EXT1: variants seen among roughly 807,000 people sequenced by gnomAD.
EXT1 encodes the protein exostosin-1.
A neutral mutation model predicts 82.5 loss-of-function variants in EXT1; 20 were observed. That is an observed-to-expected ratio of 0.24 (90% CI 0.17 to 0.35). The LOEUF (loss-of-function observed/expected upper bound fraction) is 0.35, where lower values mean the gene tolerates loss of function less well. EXT1 is among the 10% of genes least tolerant of loss of function. The probability of loss-of-function intolerance (pLI) is 1.00; values close to 1 mark genes in which losing one functional copy is unlikely to be tolerated. For missense variants in EXT1, 757 were observed against 936.5 expected, an observed-to-expected ratio of 0.81 and a Z score of 2.50; for synonymous variants, 348 against 350.8, an observed-to-expected ratio of 0.99 and a Z score of 0.09.
At chr8:118,086,906 C>G (rs1817430453) in intron 1 of EXT1, among the ~76,000 whole-genome samples, 1 of 152,124 alleles carries the variant, frequency 6.6e-6, no homozygotes, top group African/African-American at 2.4e-5. Flanking sequence ...CTTCCCTCCT[C>G]CAGTAAAACC....
chr8:117,895,125 C>T (rs1390643711), intron 1 of EXT1, among the ~76,000 whole-genome samples: 1 of 152,010 alleles, frequency 6.6e-6, no homozygotes, highest in Non-Finnish European at 1.5e-5. Context: ...TCAAAATGGT[C>T]GTGAACCAGG....
At chr8:117,867,638 A>G (rs1167941724) in intron 1 of EXT1, among the ~76,000 whole-genome samples, 3 of 152,184 alleles carry the variant, frequency 2.0e-5, no homozygotes, top group Admixed American at 1.3e-4. Context: ...CCTCCTACCA[A>G]TCTACAAAGA....
chr8:117,961,382 C>T (rs919155131), intron 1 of EXT1, among the ~76,000 whole-genome samples: 5 of 152,158 alleles, frequency 3.3e-5, no homozygotes, highest in African/African-American at 7.2e-5. Flanking sequence ...GGGATTCTGG[C>T]ATATGGGCCT....
intron 1 of EXT1, among the ~76,000 whole-genome samples, chr8:118,052,165 C>T (rs1231458869): frequency 3.9e-5 from 6 of 152,128 alleles, no homozygotes; most frequent in South Asian, 2.1e-4. Flanking sequence ...AAAACCACTT[C>T]CTAGAACTCA....
At chr8:117,980,011 T>G (rs565513721) in intron 1 of EXT1, among the ~76,000 whole-genome samples, 1 of 152,276 alleles carries the variant, frequency 6.6e-6, no homozygotes, top group Non-Finnish European at 1.5e-5. Context: ...AAAGCTATAA[T>G]GAAGAGATCT....
At chr8:117,866,941 C>T (rs1358608144) in intron 1 of EXT1, among the ~76,000 whole-genome samples, 1 of 152,150 alleles carries the variant, frequency 6.6e-6, no homozygotes, top group Non-Finnish European at 1.5e-5. Context: ...TTCCTTGCCT[C>T]TAAGCCACTC....
chr8:118,005,572 G>A (rs17505128), intron 1 of EXT1, among the ~76,000 whole-genome samples: 5 of 152,266 alleles, frequency 3.3e-5, no homozygotes, highest in African/African-American at 1.2e-4. Flanking sequence ...GGAGAAAACT[G>A]AGGCAACAAA....
chr8:117,884,739 A>T (rs954343511), intron 1 of EXT1, among the ~76,000 whole-genome samples: 3 of 152,002 alleles, frequency 2.0e-5, no homozygotes, highest in African/African-American at 4.8e-5. Context: ...CTGCTTTATT[A>T]AACAAGCACT....
intron 1 of EXT1, among the ~76,000 whole-genome samples, chr8:117,952,810 C>T (rs1230930041): frequency 1.3e-5 from 2 of 151,874 alleles, no homozygotes; most frequent in Middle Eastern, 3.2e-3. Flanking sequence ...ATATTCTTTT[C>T]CCCACTTTCA....
intron 5 of EXT1, 107 bp downstream of exon 5, chr8:117,822,358 T>A (rs959658205): frequency 8.0e-7 from 1 of 1,255,100 alleles, no homozygotes; most frequent in Admixed American, 1.7e-5. Flanking sequence ...CAATCTTCAA[T>A]GCAGGGTGTT....
At chr8:118,098,608 A>T (rs927052282) in intron 1 of EXT1, among the ~76,000 whole-genome samples, 1 of 151,998 alleles carries the variant, frequency 6.6e-6, no homozygotes, top group Admixed American at 6.5e-5. Flanking sequence ...ATACAAAAAA[A>T]ATTAGTCGGG....
intron 1 of EXT1, among the ~76,000 whole-genome samples, chr8:117,968,075 T>C (rs1377405871): frequency 2.0e-5 from 3 of 152,220 alleles, no homozygotes; most frequent in African/African-American, 4.8e-5. Flanking sequence ...CTTAACATCA[T>C]GTTGTATGCC....
At chr8:117,826,675 A>G (rs1177215832) in intron 4 of EXT1, among the ~76,000 whole-genome samples, 1 of 152,166 alleles carries the variant, frequency 6.6e-6, no homozygotes, top group Admixed American at 6.5e-5. Context: ...AGTACCTGTC[A>G]TGCAACTTGG....
At chr8:118,062,221 G>A (rs551846289) in intron 1 of EXT1, among the ~76,000 whole-genome samples, 1 of 152,278 alleles carries the variant, frequency 6.6e-6, no homozygotes. Flanking sequence ...AACAATCATC[G>A]GAACGTCTGC....
chr8:117,909,025 G>A lies in EXT1; in HGVS notation c.963-71824C>T, dbSNP rs557745169. Among the ~76,000 whole-genome samples, 30 of 151,578 alleles carry A rather than the reference G, an allele frequency of 2.0e-4. No individual in the cohort carries two copies. In the South Asian group the frequency reaches 4.6e-3, roughly 23 times the overall value. ...TACGCGCCTGTAATCCCAGCTACTC[G>A]GAAGGCTGAGGCAGGAGAATTGCTT... is the stretch of plus-strand genomic sequence containing the variant. On this transcript the variant is annotated intron_variant, in intron 1 of 10. Coordinates refer to ENST00000378204, the MANE Select transcript of EXT1 (RefSeq NM_000127.3).
intron 7 of EXT1, among the ~76,000 whole-genome samples, chr8:117,814,255 G>GTGTGTGTGTT (rs1339949151): frequency 1.3e-5 from 2 of 151,702 alleles, no homozygotes; most frequent in East Asian, 1.9e-4. Flanking sequence ...GTGTGTGTGT[G>GTGTGTGTGTT]TGTGTGTGGT....
At chr8:118,015,054 T>C (rs954316896) in intron 1 of EXT1, among the ~76,000 whole-genome samples, 2 of 152,220 alleles carry the variant, frequency 1.3e-5, no homozygotes, top group African/African-American at 4.8e-5. Context: ...GTACAGATTT[T>C]ACATAACTCT....
chr8:117,819,080 A>T (rs1388707416), intron 6 of EXT1, among the ~76,000 whole-genome samples: 1 of 152,254 alleles, frequency 6.6e-6, no homozygotes, highest in Non-Finnish European at 1.5e-5. Context: ...ATTTAGTTCA[A>T]AAATGCATAC....
intron 4 of EXT1, among the ~76,000 whole-genome samples, chr8:117,824,683 A>G (rs1811981053): frequency 6.6e-6 from 1 of 152,212 alleles, no homozygotes; most frequent in South Asian, 2.1e-4. Flanking sequence ...TTTATTACAT[A>G]GTGGTAATAG....
Sources: gnomAD v4.1 joint callset for allele counts (sites outside exome capture counted in the v4.1 genomes callset) on GRCh38, gnomAD v4.1.1 for gene constraint, MANE v1.5 for transcripts, NCBI Gene and HGNC (gene_info 2026-07-23, HGNC 2026-07-21) for gene names.